Variants in KAZN observed in about 807,000 individuals in gnomAD.
The protein encoded by KAZN is kazrin, periplakin interacting protein.
Under a neutral mutation model 87.4 loss-of-function variants are expected in KAZN, and 40 were observed. That is an observed-to-expected ratio of 0.46 (90% CI 0.36 to 0.60). The LOEUF is 0.60. KAZN is among the 20% of genes least tolerant of loss of function. The pLI, the probability that KAZN is intolerant of heterozygous loss-of-function variation, is 0.00. For missense variants in KAZN, 898 were observed against 1,073.9 expected (o/e 0.84, Z 2.29); for synonymous variants, 466 against 458.3 (o/e 1.02, Z -0.22).
At chr1:14,389,602 A>T (rs560925708) in intron 2 of KAZN, among the ~76,000 whole-genome samples, 1 of 152,230 alleles carries the variant, frequency 6.6e-6, no homozygotes, top group South Asian at 2.1e-4. Context: ...CCAGGCACAG[A>T]AAGTCATACT....
intron 1 of KAZN, among the ~76,000 whole-genome samples, chr1:14,908,461 G>A (rs868852552): frequency 1.3e-5 from 2 of 152,210 alleles, no homozygotes; most frequent in African/African-American, 4.8e-5. Context: ...AGAATCGCTT[G>A]AGCCTGGAAG....
intron 2 of KAZN, among the ~76,000 whole-genome samples, chr1:14,437,049 A>G (rs1666437812): frequency 1.3e-5 from 2 of 152,218 alleles, no homozygotes; most frequent in Non-Finnish European, 2.9e-5. Flanking sequence ...CAGAGGAAAT[A>G]GATAAAAACT....
At chr1:15,103,546 A>G in intron 12 of KAZN, 86 bp downstream of exon 12, 10 of 856,158 alleles carry the variant, frequency 1.2e-5, no homozygotes, top group Non-Finnish European at 1.7e-5. Flanking sequence ...TGCAAATCAC[A>G]TGCAAATCAA....
At chr1:14,258,390 A>ATTTTTTTTT (rs760768355) in intron 2 of KAZN, among the ~76,000 whole-genome samples, 10 of 125,520 alleles carry the variant, frequency 8.0e-5, no homozygotes, top group Non-Finnish European at 1.5e-4. Context: ...TAAATTTTGT[A>ATTTTTTTTT]TTTTTTTTTT....
At chr1:14,851,369 C>A (rs956861074) in intron 1 of KAZN, among the ~76,000 whole-genome samples, 4 of 152,170 alleles carry the variant, frequency 2.6e-5, no homozygotes, top group African/African-American at 9.7e-5. Flanking sequence ...GTGGGGACAC[C>A]CACTCACTCC....
At chr1:13,959,015 C>T (rs1303152847) in intron 1 of KAZN, among the ~76,000 whole-genome samples, 2 of 152,096 alleles carry the variant, frequency 1.3e-5, no homozygotes, top group African/African-American at 4.8e-5. Flanking sequence ...TGGTCTAGGC[C>T]CACCCACAGT....
intron 1 of KAZN, chr1:14,924,145 A>T (rs1264991350): frequency 4.1e-6 from 4 of 981,322 alleles, no homozygotes; most frequent in Non-Finnish European, 2.4e-6. Context: ...TTCCCACGTG[A>T]GAGGCTCCGC....
chr1:14,756,247 C>A (rs1308694006), intron 1 of KAZN, among the ~76,000 whole-genome samples: 1 of 152,154 alleles, frequency 6.6e-6, no homozygotes, highest in Non-Finnish European at 1.5e-5. Context: ...GGAGGCTCTT[C>A]CTCATCAATT....
At chr1:14,624,722 T>A (rs1299879244) in intron 1 of KAZN, among the ~76,000 whole-genome samples, 1 of 152,228 alleles carries the variant, frequency 6.6e-6, no homozygotes, top group Non-Finnish European at 1.5e-5. Context: ...CCTTTCAGTG[T>A]GCCAAGTCAT....
At chr1:14,843,696 G>T (rs1648309527) in intron 1 of KAZN, among the ~76,000 whole-genome samples, 1 of 152,132 alleles carries the variant, frequency 6.6e-6, no homozygotes, top group East Asian at 1.9e-4. Flanking sequence ...ATTTTAAATG[G>T]AATATTCGCC....
chr1:14,302,694 A>C (rs2100784489), intron 2 of KAZN, among the ~76,000 whole-genome samples: 1 of 152,332 alleles, frequency 6.6e-6, no homozygotes. Context: ...TCATATTTTC[A>C]AAACAGTCTA....
At chr1:14,716,149 G>A (rs1642782928) in intron 1 of KAZN, among the ~76,000 whole-genome samples, 1 of 152,154 alleles carries the variant, frequency 6.6e-6, no homozygotes, top group Admixed American at 6.5e-5. Context: ...GTGTATATAT[G>A]TGCATGTGTA....
chr1:13,972,200 A>G (rs1180018936), intron 1 of KAZN, among the ~76,000 whole-genome samples: 2 of 152,166 alleles, frequency 1.3e-5, no homozygotes, highest in African/African-American at 2.4e-5. Context: ...GTCAGCAACC[A>G]TGAAGAAGAC....
intron 1 of KAZN, among the ~76,000 whole-genome samples, chr1:14,830,311 C>A (rs764962937): frequency 6.6e-6 from 1 of 152,098 alleles, no homozygotes; most frequent in Non-Finnish European, 1.5e-5. Flanking sequence ...AATGACAGTC[C>A]CAGCAAAGGT....
At chr1:14,609,098 A>T (rs1677606124) in intron 1 of KAZN, among the ~76,000 whole-genome samples, 1 of 152,148 alleles carries the variant, frequency 6.6e-6, no homozygotes, top group Non-Finnish European at 1.5e-5. Context: ...CATGACCTGG[A>T]ATTATATGTG....
Position 14,466,871 on chromosome 1 carries a change from A to G in KAZN, c.250-132112A>G, listed in dbSNP as rs576700687. 2.2e-4 allele frequency among the ~76,000 whole-genome samples: 34 copies of G among 152,300 alleles called. 1 individual carries two copies. In the South Asian group the frequency reaches 6.8e-3, roughly 31 times the overall value. Reference sequence around the variant, plus strand: ...GTGGTCCCAGCTACTTGGGAGGCTGAGGCAGGAGAATGGCGTGAACCCAGG... The same window carrying G: ...GTGGTCCCAGCTACTTGGGAGGCTGGGGCAGGAGAATGGCGTGAACCCAGG... On this transcript the variant is annotated intron_variant, in intron 2 of 16. Coordinates refer to the KAZN transcript ENST00000636203.
rs201246008 is a variant in KAZN, at chr1:14,883,296, AAAAG to A, written c.227-77366_227-77363del. ...GGCAAGAAAAGCGAAACTCCATCTCAAAAGAAAGAAAGAAAGAAAGAAAGAGAGA... is the reference window on the plus strand; with the variant it reads ...GGCAAGAAAAGCGAAACTCCATCTCAAAAGAAAGAAAGAAAGAAAGAGAGA... On this transcript the variant is annotated intron_variant, in intron 1 of 14. Transcript: ENST00000376030. Among the ~76,000 whole-genome samples the A allele has an allele frequency of 1.9e-4, 17 of 90,374 alleles. 1 individual carries two copies. Among genetic ancestry groups the A allele is most frequent in the African/African-American group, 3.1e-4 (8 of 25,746 alleles). The allele number at this position is 90,374 out of a possible 152,430, so 59.3% of individuals were successfully genotyped here.
chr1:14,417,006 A>ATATGTGTG (rs1557704626), intron 2 of KAZN, among the ~76,000 whole-genome samples: 10 of 68,268 alleles, frequency 1.5e-4, no homozygotes, highest in African/African-American at 4.4e-4. Context: ...GTATGTATAT[A>ATATGTGTG]TATGTACACA....
intron 1 of KAZN, among the ~76,000 whole-genome samples, chr1:14,843,479 C>T (rs1648278425): frequency 6.6e-6 from 1 of 152,126 alleles, no homozygotes; most frequent in Admixed American, 6.5e-5. Flanking sequence ...AGCCTAGGAT[C>T]TCATGGTTGC....
Sources: allele counts gnomAD v4.1 joint callset (sites outside exome capture counted in the v4.1 genomes callset), GRCh38; gene constraint gnomAD v4.1.1; transcripts MANE v1.5; gene names NCBI Gene and HGNC (gene_info 2026-07-23, HGNC 2026-07-21).